ZNF438: variants seen among roughly 807,000 people sequenced by gnomAD.
The protein encoded by ZNF438 is zinc finger protein 438.
Under a neutral mutation model 38.0 loss-of-function variants are expected in ZNF438, and 25 were observed. The ratio of observed to expected loss-of-function variants is 0.66; its 90% CI spans 0.48 to 0.92. The LOEUF (loss-of-function observed/expected upper bound fraction) is 0.92, where lower values mean the gene tolerates loss of function less well. Among genes scored for constraint, ZNF438 ranks in the 40% least tolerant of loss-of-function variants. The pLI is 0.00. For synonymous variants in ZNF438, 372 were observed against 364.1 expected (o/e 1.02, Z -0.25); for missense variants, 1,007 against 999.6 (o/e 1.01, Z -0.10).
chr10:30,930,445 A>C (rs984446945), intron 2 of ZNF438, among the ~76,000 whole-genome samples: 1 of 152,024 alleles, frequency 6.6e-6, no homozygotes, highest in Admixed American at 6.6e-5. Flanking sequence ...CCACAAGCAG[A>C]GGGAGCCGGC....
At chr10:30,885,745 T>C (rs1484372479) in intron 3 of ZNF438, among the ~76,000 whole-genome samples, 1 of 152,114 alleles carries the variant, frequency 6.6e-6, no homozygotes, top group African/African-American at 2.4e-5. Context: ...TGGAAATCAA[T>C]GTAGAATGTC....
intron 1 of ZNF438, among the ~76,000 whole-genome samples, chr10:31,024,340 G>C (rs1223133663): frequency 1.3e-5 from 2 of 152,122 alleles, no homozygotes; most frequent in African/African-American, 4.8e-5. Context: ...AAGATTCCTA[G>C]GTACGGCCGA....
chr10:30,908,684 G>A (rs2042805864), intron 3 of ZNF438, among the ~76,000 whole-genome samples: 1 of 152,126 alleles, frequency 6.6e-6, no homozygotes, highest in Non-Finnish European at 1.5e-5. Flanking sequence ...ATATACAAGT[G>A]CACAGTGAAA....
At chr10:30,853,365 C>T (rs2132884090) in intron 4 of ZNF438, among the ~76,000 whole-genome samples, 1 of 152,334 alleles carries the variant, frequency 6.6e-6, no homozygotes, top group South Asian at 2.1e-4. Flanking sequence ...GCCAAAATCC[C>T]TGCAATGGCT....
At chr10:30,878,463 C>T (rs1194726638) in intron 3 of ZNF438, among the ~76,000 whole-genome samples, 3 of 152,090 alleles carry the variant, frequency 2.0e-5, no homozygotes, top group Admixed American at 6.5e-5. Context: ...CACTGAGAGA[C>T]ATCCATCGCT....
At chr10:30,903,303 C>T (rs190580056) in intron 3 of ZNF438, among the ~76,000 whole-genome samples, 104 of 152,288 alleles carry the variant, frequency 6.8e-4, no homozygotes, top group African/African-American at 2.3e-3. Context: ...ATGCCAAGGC[C>T]GAGGAGGCAC....
chr10:31,010,864 GC>G (rs1405884608), intron 1 of ZNF438, among the ~76,000 whole-genome samples: 3 of 124,660 alleles, frequency 2.4e-5, no homozygotes, highest in African/African-American at 9.9e-5. Context: ...CTGCACTCCA[GC>G]CTGGATAACG....
intron 4 of ZNF438, among the ~76,000 whole-genome samples, chr10:30,869,350 GACA>G (rs1381955472): frequency 1.3e-5 from 2 of 151,196 alleles, no homozygotes; most frequent in African/African-American, 2.4e-5. Flanking sequence ...CTCCAGCCTG[GACA>G]ACAAGAGCTA....
chr10:30,899,309 TAAGA>T (rs2041721708), intron 3 of ZNF438, among the ~76,000 whole-genome samples: 1 of 152,144 alleles, frequency 6.6e-6, no homozygotes, highest in Non-Finnish European at 1.5e-5. Flanking sequence ...ACTAACCAAA[TAAGA>T]AAGATCCACA....
intron 1 of ZNF438, among the ~76,000 whole-genome samples, chr10:31,017,796 T>C (rs958409234): frequency 6.6e-6 from 1 of 152,220 alleles, no homozygotes; most frequent in Non-Finnish European, 1.5e-5. Flanking sequence ...GCTTAGCCAT[T>C]TGACTTGCTT....
At chr10:30,876,949 T>G (rs781513481) in intron 4 of ZNF438, 49 bp downstream of exon 5, 1 of 1,492,152 alleles carries the variant, frequency 6.7e-7, no homozygotes, top group East Asian at 2.4e-5. Flanking sequence ...ATGTATCAAA[T>G]TAAAACTATA....
At chr10:30,911,825 C>T (rs2043110413) in intron 2 of ZNF438, among the ~76,000 whole-genome samples, 1 of 152,074 alleles carries the variant, frequency 6.6e-6, no homozygotes, top group South Asian at 2.1e-4. Context: ...AGTCACTCTC[C>T]TTCCTGGTAT....
intron 1 of ZNF438, among the ~76,000 whole-genome samples, chr10:30,985,641 A>G (rs945695535): frequency 3.3e-5 from 5 of 152,234 alleles, no homozygotes; most frequent in Non-Finnish European, 5.9e-5. Flanking sequence ...TTGCTACTTA[A>G]AAATCAGTTT....
chr10:30,850,066 T>C, exon 5 of ZNF438: 1 of 1,614,138 alleles, frequency 6.2e-7, no homozygotes, highest in Non-Finnish European at 8.5e-7. Flanking sequence ...GGTTTTCAGG[T>C]AGGGACATTC....
chr10:30,848,531 C>A, exon 5 of ZNF438: 1 of 1,608,482 alleles, frequency 6.2e-7, no homozygotes, highest in Non-Finnish European at 8.5e-7. Flanking sequence ...TGGCACTCAC[C>A]TCTCCAATGA....
At chr10:30,858,686 A>G (rs1389203839) in intron 4 of ZNF438, among the ~76,000 whole-genome samples, 2 of 152,216 alleles carry the variant, frequency 1.3e-5, no homozygotes, top group Admixed American at 1.3e-4. Context: ...AAGTTTCAGG[A>G]AATTTGAGAC....
rs141603843 is a variant in ZNF438 at position 31,008,702 on chromosome 10, C to T, written c.-192+23131G>A. 4.6e-3 allele frequency among the ~76,000 whole-genome samples: 702 copies of T among 152,158 alleles called. 10 individuals are homozygous for T. Among genetic ancestry groups the T allele is most frequent in the African/African-American group, 0.015 (634 of 41,498 alleles). Reference sequence around the variant, plus strand: ...AGCTGATAGATATCTAGGTTGTTTCCGCTGTTTAGCTATTAGGAATAATGT... The same window carrying T: ...AGCTGATAGATATCTAGGTTGTTTCTGCTGTTTAGCTATTAGGAATAATGT... On this transcript the variant is annotated intron_variant, in intron 1 of 5. Coordinates refer to ENST00000413025, the Ensembl canonical transcript of ZNF438.
intron 4 of ZNF438, among the ~76,000 whole-genome samples, chr10:30,858,818 C>T (rs1368672211): frequency 1.3e-5 from 2 of 152,166 alleles, no homozygotes; most frequent in Non-Finnish European, 2.9e-5. Flanking sequence ...ACTCCCCTCT[C>T]CCTCCTTAAC....
rs185848617 is a variant in ZNF438, at chr10:30,898,314, T to G, written c.-32+10619A>C. ...GTAGATCTAGGGAGAGAGGTGGTTC[T>G]CAATCAACACTGCCAGGGAAAGATG... On this transcript the variant is annotated intron_variant, in intron 3 of 5. Coordinates refer to ENST00000413025, the Ensembl canonical transcript of ZNF438. 1.6e-4 allele frequency among the ~76,000 whole-genome samples: 24 copies of G among 152,316 alleles called. 1 individual carries two copies. Among genetic ancestry groups the G allele is most frequent in the Admixed American group, 6.5e-4 (10 of 15,292 alleles).
Sources: allele counts gnomAD v4.1 joint callset (sites outside exome capture counted in the v4.1 genomes callset), GRCh38; gene constraint gnomAD v4.1.1; transcripts MANE v1.5; gene names NCBI Gene and HGNC (gene_info 2026-07-23, HGNC 2026-07-21).